NELL1: variants seen among roughly 807,000 people sequenced by gnomAD.
NELL1 encodes protein kinase C-binding protein NELL1.
In NELL1, 76 loss-of-function variants were observed where a neutral mutation model predicts 107.4. That is an observed-to-expected ratio of 0.71 (90% confidence interval 0.59 to 0.86). The LOEUF is 0.86. Among genes scored for constraint, NELL1 ranks in the 40% least tolerant of loss-of-function variants. NELL1 has a pLI of 0.00. For synonymous variants in NELL1, 353 were observed against 341.2 expected (o/e 1.03, Z -0.38); for missense variants, 1,024 against 1,005.5 (o/e 1.02, Z -0.25).
At chr11:21,403,595 C>A (rs1852150565) in intron 15 of NELL1, among the ~76,000 whole-genome samples, 1 of 116,760 alleles carries the variant, frequency 8.6e-6, no homozygotes, top group Admixed American at 9.0e-5. Flanking sequence ...TAAAAGACCT[C>A]TGTAGCTCTT....
At chr11:20,774,589 T>A (rs1856712646) in intron 2 of NELL1, among the ~76,000 whole-genome samples, 1 of 152,114 alleles carries the variant, frequency 6.6e-6, no homozygotes, top group Non-Finnish European at 1.5e-5. Context: ...CTTTTGTTTG[T>A]GTCTTTATTA....
At chr11:20,913,842 C>CG (rs772847052) in intron 5 of NELL1, among the ~76,000 whole-genome samples, 6 of 100,308 alleles carry the variant, frequency 6.0e-5, no homozygotes, top group East Asian at 5.5e-4. Context: ...AATAAGATTA[C>CG]GGGGGGCGGG....
intron 3 of NELL1, among the ~76,000 whole-genome samples, chr11:20,801,466 C>A (rs1857280473): frequency 6.6e-6 from 1 of 152,164 alleles, no homozygotes; most frequent in African/African-American, 2.4e-5. Flanking sequence ...CTTACATATT[C>A]TGGTTATTCA....
Position 21,532,678 on chromosome 11 carries a change from A to G in NELL1, c.1646-1696A>G, listed in dbSNP as rs190098743. On this transcript the variant is annotated intron_variant, in intron 15 of 19. Coordinates refer to ENST00000357134, the MANE Select transcript of NELL1 (RefSeq NM_006157.5). ...TGGTTTTTCTGAGAGCTTTGGAAATAAATGTCAGAGGTAGAATTGGTTGCT... is the reference window on the plus strand; with the variant it reads ...TGGTTTTTCTGAGAGCTTTGGAAATGAATGTCAGAGGTAGAATTGGTTGCT... 2.5e-4 allele frequency among the ~76,000 whole-genome samples: 38 copies of G among 152,326 alleles called. 2 individuals carry two copies. Among genetic ancestry groups the G allele is most frequent in the Middle Eastern group, 3.4e-3 (1 of 294 alleles).
chr11:21,458,172 G>A (rs1311777168), intron 15 of NELL1, among the ~76,000 whole-genome samples: 1 of 152,130 alleles, frequency 6.6e-6, no homozygotes, highest in African/African-American at 2.4e-5. Context: ...CTCCTTGTAA[G>A]AACCAGTAGA....
At chr11:20,999,566 T>A (rs59010097) in intron 12 of NELL1, among the ~76,000 whole-genome samples, 2,056 of 152,316 alleles carry the variant, frequency 0.013, 46 homozygotes, top group African/African-American at 0.045. Flanking sequence ...GATCACATGC[T>A]GTTTTTTATT....
chr11:21,005,167 G>A (rs1440976006), intron 12 of NELL1, among the ~76,000 whole-genome samples: 2 of 152,116 alleles, frequency 1.3e-5, no homozygotes, highest in African/African-American at 4.8e-5. Context: ...TTACCAACAT[G>A]AGTGGTTAAA....
chr11:20,807,451 C>T (rs1225676239), intron 3 of NELL1, among the ~76,000 whole-genome samples: 1 of 152,200 alleles, frequency 6.6e-6, no homozygotes, highest in East Asian at 1.9e-4. Flanking sequence ...TGGGGAGACA[C>T]AGCACCCTGT....
intron 3 of NELL1, among the ~76,000 whole-genome samples, chr11:20,834,579 T>C (rs1175787281): frequency 3.3e-5 from 5 of 152,142 alleles, no homozygotes; most frequent in Non-Finnish European, 7.4e-5. Context: ...GGCGGGCACC[T>C]GTAGTCCCAG....
At chr11:21,133,780 C>G (rs1358753212) in intron 13 of NELL1, among the ~76,000 whole-genome samples, 3 of 152,168 alleles carry the variant, frequency 2.0e-5, no homozygotes, top group African/African-American at 7.2e-5. Context: ...CACTTCCAAG[C>G]CTTCAGGGGT....
intron 12 of NELL1, among the ~76,000 whole-genome samples, chr11:21,055,281 TTC>T (rs753812636): frequency 6.6e-6 from 1 of 152,122 alleles, no homozygotes; most frequent in Non-Finnish European, 1.5e-5. Context: ...ATTTTAATTT[TTC>T]TCTCTTTTTC....
intron 12 of NELL1, among the ~76,000 whole-genome samples, chr11:21,049,331 A>G (rs1033334226): frequency 6.6e-6 from 1 of 152,210 alleles, no homozygotes; most frequent in Non-Finnish European, 1.5e-5. Flanking sequence ...AAGCCCCTGC[A>G]GTTATTAAAG....
At position 21,532,230 on chromosome 11, in the gene NELL1, T is replaced by A. The variant is rs371365644; in HGVS notation, c.1646-2144T>A. 3.9e-5 allele frequency among the ~76,000 whole-genome samples: 6 copies of A among 152,310 alleles called. No homozygotes were observed. The South Asian group carries it at 8.3e-4, about 21-fold the overall frequency. ...CTAGTGTCCCTGGGGAAGTTGTAGA[T>A]GTGTAACTGTCTGATTGTCTTCACT... On this transcript the variant is annotated intron_variant, in intron 15 of 19. Transcript: ENST00000357134.
In NELL1 at chr11:21,177,027, G is replaced by A. The variant is rs1425377968; in HGVS notation, c.1427-52305G>A. 5.3e-5 allele frequency among the ~76,000 whole-genome samples: 8 copies of A among 151,668 alleles called. No homozygotes were observed. In the East Asian group the frequency reaches 1.4e-3, roughly 26 times the overall value. Reference sequence around the variant, plus strand: ...GGATTACAATGATGTCTCAATACATGTATACATTATGGGATGATCAAATCA... The same window carrying A: ...GGATTACAATGATGTCTCAATACATATATACATTATGGGATGATCAAATCA... On this transcript the variant is annotated intron_variant, in intron 13 of 19. Transcript: ENST00000357134.
intron 12 of NELL1, among the ~76,000 whole-genome samples, chr11:21,029,274 A>T (rs941479691): frequency 6.6e-6 from 1 of 152,208 alleles, no homozygotes; most frequent in African/African-American, 2.4e-5. Flanking sequence ...TAACAAGCTT[A>T]AATTTCCTAT....
chr11:21,195,465 T>C (rs1169496854), intron 13 of NELL1, among the ~76,000 whole-genome samples: 2 of 151,840 alleles, frequency 1.3e-5, no homozygotes, highest in Non-Finnish European at 2.9e-5. Context: ...TATTCTTTCA[T>C]TTTCTTCCTT....
At chr11:21,522,472 A>G (rs1180304823) in intron 15 of NELL1, among the ~76,000 whole-genome samples, 4 of 152,236 alleles carry the variant, frequency 2.6e-5, no homozygotes, top group Admixed American at 1.3e-4. Context: ...TAGAAAGACA[A>G]ATGCCACATG....
intron 12 of NELL1, among the ~76,000 whole-genome samples, chr11:21,051,487 C>T (rs1033955147): frequency 6.6e-6 from 1 of 151,896 alleles, no homozygotes; most frequent in Non-Finnish European, 1.5e-5. Context: ...CACTAAAGGA[C>T]TTATTAATGT....
At chr11:20,765,060 A>G (rs545471859) in intron 2 of NELL1, among the ~76,000 whole-genome samples, 1 of 152,186 alleles carries the variant, frequency 6.6e-6, no homozygotes, top group African/African-American at 2.4e-5. Flanking sequence ...TCGGAGGCTG[A>G]GGTAGGAGGA....
Sources: allele counts gnomAD v4.1 joint callset (sites outside exome capture counted in the v4.1 genomes callset), GRCh38; gene constraint gnomAD v4.1.1; transcripts MANE v1.5; gene names NCBI Gene and HGNC (gene_info 2026-07-23, HGNC 2026-07-21).